Variants in BCL2L14 observed in about 807,000 individuals in gnomAD.
The protein encoded by BCL2L14 is BCL2 like 14.
Under a neutral mutation model 35.3 loss-of-function variants are expected in BCL2L14, and 27 were observed. That is an observed-to-expected ratio of 0.76 (90% confidence interval 0.56 to 1.05). BCL2L14 has a LOEUF of 1.05. Among genes scored for constraint, BCL2L14 ranks in the 50% least tolerant of loss-of-function variants. The pLI is 0.00. For synonymous variants in BCL2L14, 139 were observed against 145.9 expected, an observed-to-expected ratio of 0.95 and a Z score of 0.34; for missense variants, 377 against 382.6, an observed-to-expected ratio of 0.99 and a Z score of 0.12.
chr12:12,064,659 A>G (rs1418060422), intron 2 of BCL2L14, among the ~76,000 whole-genome samples: 2 of 152,228 alleles, frequency 1.3e-5, no homozygotes, highest in Non-Finnish European at 2.9e-5. Context: ...AGTAAAATGA[A>G]CATTCTGTCT....
intron 2 of BCL2L14, among the ~76,000 whole-genome samples, chr12:12,063,218 A>G (rs1026642291): frequency 2.3e-4 from 34 of 144,910 alleles, no homozygotes; most frequent in Non-Finnish European, 4.7e-4. Flanking sequence ...CTGTTTCTCC[A>G]AGCCATCACA....
intron 5 of BCL2L14, among the ~76,000 whole-genome samples, chr12:12,097,636 A>C (rs1949344390): frequency 6.6e-6 from 1 of 152,230 alleles, no homozygotes; most frequent in Non-Finnish European, 1.5e-5. Flanking sequence ...AATATACTAA[A>C]AGTGAATATA....
upstream of BCL2L14, among the ~76,000 whole-genome samples, chr12:12,070,632 G>A (rs546048237): frequency 1.3e-5 from 2 of 151,036 alleles, no homozygotes; most frequent in Non-Finnish European, 2.9e-5. Context: ...CGCCAAGATC[G>A]CACCACTGCA....
rs568247438 is a variant in BCL2L14 at position 12,060,188 on chromosome 12, T to C, written c.-272+8341T>C. 9.2e-3 allele frequency among the ~76,000 whole-genome samples: 1,395 copies of C among 151,498 alleles called. 21 individuals carry two copies. The highest frequency in any genetic ancestry group is 0.014 in the Middle Eastern group (4 of 294). On this transcript the variant is annotated intron_variant, in intron 2 of 3. Coordinates refer to the BCL2L14 transcript ENST00000461264. ...ACACCCGGTCCGGCTTACAGTTTCG[T>C]TCCATGACTAGCCCTCCCCCTCCTG...
rs533140619 is a variant in BCL2L14, at chr12:12,058,061, C to T, written c.-272+6214C>T. Among the ~76,000 whole-genome samples, 18 of 150,882 alleles carry T rather than the reference C, an allele frequency of 1.2e-4. No individual in the cohort carries two copies. In the South Asian group the frequency reaches 3.8e-3, roughly 32 times the overall value. On this transcript the variant is annotated intron_variant, in intron 2 of 3. Transcript: ENST00000461264. ...CTCCTGTGTTCAAGCAATTCTTTTG[C>T]CTCGGCCTCCCCGAGTAGCTGGGAC... is the stretch of plus-strand genomic sequence containing the variant.
In BCL2L14 at chr12:12,099,148, G is replaced by A. The variant is rs907089360; in HGVS notation, c.*160G>A. On this transcript the variant is annotated 3_prime_UTR_variant, in exon 6 of 6. Coordinates refer to ENST00000308721, the MANE Select transcript of BCL2L14 (RefSeq NM_138723.2). The stretch of plus-strand genomic sequence containing the variant: ...CTGGAGAGGCATCAGGAGAGGTCTC[G>A]TTCGTCTCCAGCTCATAAAATGTAG... 4 of 602,226 alleles carry A rather than the reference G, an allele frequency of 6.6e-6. No individual in the cohort carries two copies. The highest frequency in any genetic ancestry group is 1.9e-5 in the African/African-American group (1 of 53,600). The allele number at this position is 602,226 out of a possible 1,614,324, so 37.3% of individuals were successfully genotyped here. A position where few individuals can be genotyped will look rare whatever the true frequency, so the allele number is the denominator to read the frequency against.
intron 2 of BCL2L14, among the ~76,000 whole-genome samples, chr12:12,062,529 C>G (rs1948541220): frequency 6.6e-6 from 1 of 151,660 alleles, no homozygotes; most frequent in African/African-American, 2.4e-5. Context: ...TATTCTACTA[C>G]TCCTCAGGGA....
At chr12:12,067,832 G>A (rs1184711398), upstream of BCL2L14, among the ~76,000 whole-genome samples, 11 of 152,198 alleles carry the variant, frequency 7.2e-5, no homozygotes, top group African/African-American at 2.2e-4. Context: ...CTTGTTAGGC[G>A]TGGAGATAAC....
chr12:12,060,033 G>A (rs1032507984), intron 2 of BCL2L14, among the ~76,000 whole-genome samples: 3 of 151,272 alleles, frequency 2.0e-5, no homozygotes, highest in Non-Finnish European at 2.9e-5. Flanking sequence ...AAGCGTCGCC[G>A]AGTCTTTCTA....
At chr12:12,072,856 C>T (rs981889117) in intron 1 of BCL2L14, among the ~76,000 whole-genome samples, 2 of 150,096 alleles carry the variant, frequency 1.3e-5, no homozygotes, top group African/African-American at 4.9e-5. Flanking sequence ...GAAACAAAAA[C>T]TCTGTGTTTG....
chr12:12,084,084 G>T (rs1353956912), intron 2 of BCL2L14, among the ~76,000 whole-genome samples: 1 of 152,092 alleles, frequency 6.6e-6, no homozygotes, highest in African/African-American at 2.4e-5. Context: ...AAGGGCAAAG[G>T]GTGCCTTCTT....
rs1443757474 is a variant in BCL2L14 at position 12,094,727 on chromosome 12, A to G, written c.742A>G (p.Thr248Ala). The change falls in exon 5 of 6, where the codon ACC becomes GCC. Residue 248 changes from threonine to alanine, a missense_variant. Coordinates refer to ENST00000308721, the MANE Select transcript of BCL2L14 (RefSeq NM_138723.2). The stretch of plus-strand genomic sequence containing the variant: ...TGGGCTGTCCTACTCTGTTTTCAAG[A>G]CCATCACAGACCAGGTCCTAATGGG... ...QDGLSYSVFK[T>A]ITDQVLMGVD... 6.2e-7 allele frequency: 1 copy of G among 1,614,192 alleles called. No individual in the cohort carries two copies. The highest frequency in any genetic ancestry group is 8.5e-7 in the Non-Finnish European group (1 of 1,180,040).
intron 2 of BCL2L14, among the ~76,000 whole-genome samples, chr12:12,084,817 AC>A (rs1949007407): frequency 6.6e-6 from 1 of 152,238 alleles, no homozygotes; most frequent in East Asian, 1.9e-4. Flanking sequence ...CCCTGCTGTA[AC>A]CCCAGCACTT....
intron 4 of BCL2L14, among the ~76,000 whole-genome samples, chr12:12,094,190 T>G (rs1949260648): frequency 6.6e-6 from 1 of 152,070 alleles, no homozygotes; most frequent in Non-Finnish European, 1.5e-5. Context: ...AAACTGAATC[T>G]GAGAGGTTAA....
intron 2 of BCL2L14, among the ~76,000 whole-genome samples, chr12:12,059,175 C>T (rs191034647): frequency 1.3e-4 from 20 of 152,346 alleles, no homozygotes; most frequent in East Asian, 5.8e-4. Flanking sequence ...TATTCCCCCA[C>T]GTTTCAGAGG....
intron 2 of BCL2L14, among the ~76,000 whole-genome samples, chr12:12,058,263 T>C (rs1419767929): frequency 6.6e-6 from 1 of 151,228 alleles, no homozygotes; most frequent in Non-Finnish European, 1.5e-5. Flanking sequence ...CTTTTTTTTT[T>C]CTTTTTTTTG....
At chr12:12,053,983 T>C (rs1327529385) in intron 2 of BCL2L14, among the ~76,000 whole-genome samples, 1 of 152,310 alleles carries the variant, frequency 6.6e-6, no homozygotes, top group Non-Finnish European at 1.5e-5. Flanking sequence ...TTTTGAAACA[T>C]GATATGTTAC....
At chr12:12,083,022 T>G (rs1948960260) in intron 2 of BCL2L14, among the ~76,000 whole-genome samples, 1 of 152,206 alleles carries the variant, frequency 6.6e-6, no homozygotes, top group Admixed American at 6.5e-5. Flanking sequence ...TGGAGTGCAG[T>G]GGCCTGATCT....
chr12:12,059,172 C>A (rs548679030), intron 2 of BCL2L14, among the ~76,000 whole-genome samples: 3 of 152,336 alleles, frequency 2.0e-5, no homozygotes, highest in South Asian at 4.1e-4. Context: ...GATTATTCCC[C>A]CACGTTTCAG....
Sources: allele counts gnomAD v4.1 joint callset (sites outside exome capture counted in the v4.1 genomes callset), GRCh38; gene constraint gnomAD v4.1.1; transcripts MANE v1.5; gene names NCBI Gene and HGNC (gene_info 2026-07-23, HGNC 2026-07-21).